Variants in SHB observed in about 807,000 individuals in gnomAD.
SHB encodes SH2 domain-containing adapter protein B.
A neutral mutation model predicts 52.3 loss-of-function variants in SHB; 20 were observed. The observed-to-expected ratio is 0.38, with a 90% CI of 0.27 to 0.56. SHB has a LOEUF of 0.56. Ranked by LOEUF, SHB falls within the 20% of genes least tolerant of loss-of-function variation. The probability of loss-of-function intolerance (pLI) is 0.71; values close to 1 mark genes in which losing one functional copy is unlikely to be tolerated. For missense variants in SHB, 825 were observed against 723.3 expected, an observed-to-expected ratio of 1.14 and a Z score of -1.61; for synonymous variants, 397 against 316.5, an observed-to-expected ratio of 1.25 and a Z score of -2.70.
chr9:38,016,315 G>A (rs1382124722), intron 1 of SHB, among the ~76,000 whole-genome samples, 184 bp from the exon 2 acceptor site: 2 of 152,362 alleles, frequency 1.3e-5, no homozygotes, highest in East Asian at 3.9e-4. Context: ...ACCCATACTG[G>A]CAGGGCTCCA....
intron 2 of SHB, among the ~76,000 whole-genome samples, chr9:37,980,788 G>A (rs567947257): frequency 4.5e-4 from 68 of 152,296 alleles, no homozygotes; most frequent in African/African-American, 1.6e-3. Flanking sequence ...TGGATGTTGT[G>A]TTAGCAGGCA....
intron 4 of SHB, among the ~76,000 whole-genome samples, chr9:37,952,373 C>T (rs530564071): frequency 6.6e-5 from 10 of 152,260 alleles, no homozygotes; most frequent in African/African-American, 2.2e-4. Flanking sequence ...GTGCAAAGGT[C>T]CTGAGGTAGG....
intron 1 of SHB, among the ~76,000 whole-genome samples, chr9:38,062,890 A>G (rs1821912394): frequency 6.6e-6 from 1 of 152,222 alleles, no homozygotes. Flanking sequence ...CTACAGTGGC[A>G]GAGCTGAAGA....
At chr9:37,933,013 C>G (rs1832331519) in intron 5 of SHB, among the ~76,000 whole-genome samples, 1 of 152,134 alleles carries the variant, frequency 6.6e-6, no homozygotes, top group Admixed American at 6.6e-5. Flanking sequence ...AAAAAAAATC[C>G]AGAGGGGCCT....
At chr9:38,045,808 G>C (rs1045443918) in intron 1 of SHB, among the ~76,000 whole-genome samples, 3 of 152,204 alleles carry the variant, frequency 2.0e-5, no homozygotes, top group African/African-American at 7.2e-5. Flanking sequence ...ATTGATTAAA[G>C]ATCTTCTAGC....
rs1046779654 is a variant in SHB at position 38,037,951 on chromosome 9, A to T, written c.718-21820T>A. ...TCACATTCTGTCACACTCTAACAAG[A>T]TTTTTTTTAAAATCTGGCTCTCTTC... On this transcript the variant is annotated intron_variant, in intron 1 of 5. Coordinates refer to ENST00000377707, the MANE Select transcript of SHB (RefSeq NM_003028.3). Among the ~76,000 whole-genome samples, 4 of 152,110 alleles carry T rather than the reference A, an allele frequency of 2.6e-5. No homozygotes were observed. In the East Asian group the frequency reaches 7.7e-4, roughly 29 times the overall value.
intron 1 of SHB, among the ~76,000 whole-genome samples, chr9:38,019,427 G>A (rs1199054419): frequency 6.6e-6 from 1 of 152,228 alleles, no homozygotes; most frequent in African/African-American, 2.4e-5. Flanking sequence ...TCTCTGGAAC[G>A]CACACTGCTG....
At chr9:37,992,036 C>A (rs1820888195) in intron 2 of SHB, among the ~76,000 whole-genome samples, 1 of 152,226 alleles carries the variant, frequency 6.6e-6, no homozygotes, top group Admixed American at 6.5e-5. Flanking sequence ...TATCACTTCA[C>A]TAGTTCATTC....
intron 1 of SHB, among the ~76,000 whole-genome samples, chr9:38,033,273 C>T (rs573218794): frequency 1.1e-4 from 16 of 152,312 alleles, no homozygotes; most frequent in African/African-American, 3.8e-4. Context: ...TAAAAGTGAG[C>T]ACCCCATCAC....
chr9:38,022,413 C>T (rs1821292377), intron 1 of SHB, among the ~76,000 whole-genome samples: 1 of 152,216 alleles, frequency 6.6e-6, no homozygotes, highest in Non-Finnish European at 1.5e-5. Flanking sequence ...ACAGGCCTGT[C>T]ATTGACTGTG....
intron 3 of SHB, among the ~76,000 whole-genome samples, chr9:37,967,432 C>T (rs968643333): frequency 5.3e-5 from 8 of 152,184 alleles, no homozygotes; most frequent in African/African-American, 1.2e-4. Flanking sequence ...ATAAGCACCC[C>T]ACACGCTGAC....
At chr9:37,967,948 C>T (rs1474227622) in intron 3 of SHB, among the ~76,000 whole-genome samples, 1 of 152,220 alleles carries the variant, frequency 6.6e-6, no homozygotes, top group South Asian at 2.1e-4. Flanking sequence ...ATGGAAGAAC[C>T]AGGGGACTCG....
intron 1 of SHB, among the ~76,000 whole-genome samples, chr9:38,034,992 C>T (rs568017356): frequency 2.1e-4 from 32 of 152,296 alleles, no homozygotes; most frequent in African/African-American, 7.0e-4. Context: ...CCACCCCATC[C>T]GGCCTGGGCC....
chr9:38,035,668 C>A (rs1928243), intron 1 of SHB, among the ~76,000 whole-genome samples: 112,601 of 152,024 alleles, frequency 0.74, 41,778 homozygotes, highest in South Asian at 0.85. Flanking sequence ...GTCTACCTTC[C>A]ATGAGTGGAT....
chr9:38,007,880 C>T (rs1821091529), intron 2 of SHB, among the ~76,000 whole-genome samples: 1 of 152,156 alleles, frequency 6.6e-6, no homozygotes, highest in East Asian at 1.9e-4. Context: ...CAGAAGGCCT[C>T]CCTGAGGAGG....
chr9:37,916,347 C>T lies in SHB; in HGVS notation c.*3474G>A, dbSNP rs1463398516. Among the ~76,000 whole-genome samples, 1 of 152,202 alleles carries T rather than the reference C, an allele frequency of 6.6e-6. No individual in the cohort carries two copies. The highest frequency in any genetic ancestry group is 1.9e-4 in the East Asian group (1 of 5,190). On this transcript the variant is annotated 3_prime_UTR_variant, in exon 6 of 6. Coordinates refer to ENST00000377707, the MANE Select transcript of SHB (RefSeq NM_003028.3). ...TGGCAGGGCTTCTACCTGCACAGTC[C>T]CTAGGGCTGCAAGAGCAAATGGGGA...
rs1832113857 is a variant in SHB at position 37,917,374 on chromosome 9, G to A, written c.*2447C>T. On this transcript the variant is annotated 3_prime_UTR_variant, in exon 6 of 6. Coordinates refer to ENST00000377707, the MANE Select transcript of SHB (RefSeq NM_003028.3). ...TCCCAGGAATACCCTAAGAGGCCAA[G>A]TCAGGGCCAGAGGGCACAGCTGCCA... Among the ~76,000 whole-genome samples, 1 of 152,196 alleles carries A rather than the reference G, an allele frequency of 6.6e-6. No homozygotes were observed. The highest frequency in any genetic ancestry group is 1.5e-5 in the Non-Finnish European group (1 of 68,030).
intron 1 of SHB, among the ~76,000 whole-genome samples, chr9:38,063,796 T>G (rs1438274394): frequency 1.7e-5 from 1 of 59,240 alleles, no homozygotes. Context: ...TTGCTGGATG[T>G]TTTTTTTTTT....
chr9:37,966,084 C>G (rs1233726408), intron 3 of SHB, among the ~76,000 whole-genome samples: 1 of 152,182 alleles, frequency 6.6e-6, no homozygotes, highest in Non-Finnish European at 1.5e-5. Flanking sequence ...GGTGATCCAC[C>G]CGCCACAGCC....
Sources: allele counts gnomAD v4.1 joint callset (sites outside exome capture counted in the v4.1 genomes callset), GRCh38; gene constraint gnomAD v4.1.1; transcripts MANE v1.5; gene names NCBI Gene and HGNC (gene_info 2026-07-23, HGNC 2026-07-21).